The following CTIF variants were observed in gnomAD, a reference collection of about 807,000 sequenced individuals.
The protein encoded by CTIF is CBP80/20-dependent translation initiation factor.
A neutral mutation model predicts 66.0 loss-of-function variants in CTIF; 21 were observed. The observed-to-expected ratio is 0.32, with a 90% confidence interval of 0.23 to 0.46. The LOEUF is 0.46. Among genes scored for constraint, CTIF ranks in the 20% least tolerant of loss-of-function variants. The pLI, the probability that CTIF is intolerant of heterozygous loss-of-function variation, is 1.00. For synonymous variants in CTIF, 345 were observed against 326.4 expected (o/e 1.06, Z -0.62); for missense variants, 739 against 812.7 (o/e 0.91, Z 1.10).
At chr18:48,663,465 A>C (rs913931356) in intron 3 of CTIF, among the ~76,000 whole-genome samples, 3 of 152,102 alleles carry the variant, frequency 2.0e-5, no homozygotes, top group African/African-American at 7.2e-5. Context: ...TGGGTGGTAC[A>C]GAGCCCTTGC....
intron 10 of CTIF, among the ~76,000 whole-genome samples, chr18:48,824,184 T>C (rs1320946613): frequency 6.6e-6 from 1 of 152,088 alleles, no homozygotes; most frequent in Non-Finnish European, 1.5e-5. Flanking sequence ...AGTAAAAAAC[T>C]TGTACACTGA....
chr18:48,647,013 A>G (rs113889248), intron 3 of CTIF, among the ~76,000 whole-genome samples: 1 of 152,184 alleles, frequency 6.6e-6, no homozygotes, highest in Non-Finnish European at 1.5e-5. Flanking sequence ...GTTCACACAA[A>G]AACTTGTACT....
At chr18:48,600,069 A>C (rs983210235) in intron 1 of CTIF, among the ~76,000 whole-genome samples, 1 of 152,132 alleles carries the variant, frequency 6.6e-6, no homozygotes, top group African/African-American at 2.4e-5. Context: ...CCTCACTGTC[A>C]ATTGGAGAGA....
intron 3 of CTIF, among the ~76,000 whole-genome samples, chr18:48,640,914 G>T (rs538332621): frequency 1.3e-5 from 2 of 152,332 alleles, no homozygotes; most frequent in Middle Eastern, 3.4e-3. Flanking sequence ...GAAGAGATTG[G>T]GTCCCACGAG....
intron 1 of CTIF, among the ~76,000 whole-genome samples, chr18:48,609,887 G>A (rs1213844614): frequency 2.6e-5 from 4 of 152,198 alleles, no homozygotes; most frequent in Admixed American, 2.6e-4. Flanking sequence ...TCTGGGACTG[G>A]GTGACCTTGA....
intron 10 of CTIF, among the ~76,000 whole-genome samples, chr18:48,822,496 C>T (rs1248110664): frequency 2.7e-5 from 2 of 74,840 alleles, no homozygotes; most frequent in Admixed American, 1.5e-4. Flanking sequence ...TCTCCCCACC[C>T]CCACCCCCAA....
chr18:48,711,754 C>A, intron 7 of CTIF, 59 bp downstream of exon 7: 1 of 1,437,766 alleles, frequency 7.0e-7, no homozygotes. Flanking sequence ...CCATCTGTAG[C>A]GACGTCAGCT....
At chr18:48,735,094 T>C (rs1158692367) in intron 7 of CTIF, among the ~76,000 whole-genome samples, 1 of 135,174 alleles carries the variant, frequency 7.4e-6, no homozygotes, top group Non-Finnish European at 1.6e-5. Context: ...CCAGTTTGTG[T>C]GCGTGTGTGT....
intron 1 of CTIF, among the ~76,000 whole-genome samples, chr18:48,581,263 G>A (rs537747290): frequency 2.6e-5 from 4 of 151,746 alleles, no homozygotes; most frequent in East Asian, 3.9e-4. Flanking sequence ...TTCCTGAGAC[G>A]TACCACGTCC....
intron 1 of CTIF, among the ~76,000 whole-genome samples, chr18:48,574,464 C>G (rs550212249): frequency 6.6e-6 from 1 of 152,296 alleles, no homozygotes; most frequent in East Asian, 1.9e-4. Flanking sequence ...GCTCAGAGTT[C>G]TGCACTTTGG....
At chr18:48,856,844 A>G (rs2069338547) in intron 10 of CTIF, among the ~76,000 whole-genome samples, 1 of 152,208 alleles carries the variant, frequency 6.6e-6, no homozygotes, top group Non-Finnish European at 1.5e-5. Flanking sequence ...TGGTTGCACA[A>G]TTCTGGGGAT....
chr18:48,728,489 A>G (rs1432033428), intron 7 of CTIF, among the ~76,000 whole-genome samples: 1 of 152,230 alleles, frequency 6.6e-6, no homozygotes, highest in African/African-American at 2.4e-5. Context: ...TCCAGAAGCT[A>G]TATAGCTGGG....
intron 1 of CTIF, among the ~76,000 whole-genome samples, chr18:48,596,343 G>T (rs1386953688): frequency 6.6e-6 from 1 of 152,162 alleles, no homozygotes; most frequent in Non-Finnish European, 1.5e-5. Context: ...TATCTTCAAA[G>T]TTGTCTCATG....
intron 6 of CTIF, among the ~76,000 whole-genome samples, chr18:48,706,018 G>T (rs112888154): frequency 6.6e-6 from 1 of 152,106 alleles, no homozygotes; most frequent in Admixed American, 6.5e-5. Context: ...GTTGCATGGC[G>T]GGCCCCCTAC....
intron 1 of CTIF, among the ~76,000 whole-genome samples, chr18:48,591,262 C>G (rs1049174301): frequency 6.6e-6 from 1 of 152,268 alleles, no homozygotes; most frequent in Non-Finnish European, 1.5e-5. Context: ...CCCATCACCC[C>G]ACCTTGTGGG....
rs79072624 is a variant in CTIF, at chr18:48,724,891, C to T, written c.584+13196C>T. ...GCATTGACACCCGCCTGCAGGAATACGACTGCCCTTGTGTTGGCTTTGAAC... is the reference window on the plus strand; with the variant it reads ...GCATTGACACCCGCCTGCAGGAATATGACTGCCCTTGTGTTGGCTTTGAAC... On this transcript the variant is annotated intron_variant, in intron 7 of 11. Transcript: ENST00000256413. Among the ~76,000 whole-genome samples, 1,025 of 152,352 alleles carry T rather than the reference C, an allele frequency of 6.7e-3. 15 individuals carry two copies. Among genetic ancestry groups the T allele is most frequent in the African/African-American group, 0.023 (973 of 41,580 alleles).
At chr18:48,819,732 T>C (rs764472598) in intron 10 of CTIF, among the ~76,000 whole-genome samples, 3 of 152,214 alleles carry the variant, frequency 2.0e-5, no homozygotes, top group Admixed American at 1.3e-4. Flanking sequence ...TATGGTCTTC[T>C]CCAATTTGTA....
chr18:48,850,857 A>G (rs1310404598), intron 10 of CTIF, among the ~76,000 whole-genome samples: 1 of 152,240 alleles, frequency 6.6e-6, no homozygotes, highest in Non-Finnish European at 1.5e-5. Flanking sequence ...CTCAAAAGCC[A>G]GCAACCAAGC....
In CTIF at chr18:48,619,758, C is replaced by T. The variant is rs749627766; in HGVS notation, c.180+13C>T. ...CCACATCTCCCAGGTGAGCGCGGGC[C>T]CGGGGTTGGGGCAGCTTGGGAAATT... On this transcript the variant is annotated intron_variant, in intron 2 of 11. Transcript: ENST00000256413. 1.9e-6 allele frequency: 3 copies of T among 1,543,436 alleles called. No individual in the cohort carries two copies. The highest frequency in any genetic ancestry group is 2.6e-6 in the Non-Finnish European group (3 of 1,142,084).
Sources: allele counts gnomAD v4.1 joint callset (sites outside exome capture counted in the v4.1 genomes callset), GRCh38; gene constraint gnomAD v4.1.1; transcripts MANE v1.5; gene names NCBI Gene and HGNC (gene_info 2026-07-23, HGNC 2026-07-21).